Variants in OR2L13 observed in about 807,000 individuals in gnomAD.
OR2L13 encodes olfactory receptor 2L13.
Under a neutral mutation model 15.3 loss-of-function variants are expected in OR2L13, and 14 were observed. That is an observed-to-expected ratio of 0.91 (90% CI 0.60 to 1.43). OR2L13 has a LOEUF of 1.43. OR2L13 is among the 40% of genes most tolerant of loss of function. OR2L13 has a pLI of 0.00. For synonymous variants in OR2L13, 152 were observed against 142.9 expected, an observed-to-expected ratio of 1.06 and a Z score of -0.45; for missense variants, 367 against 387.9, an observed-to-expected ratio of 0.95 and a Z score of 0.45.
chr1:248,099,494 G>T (rs755086355), exon 3 of OR2L13: 2 of 1,613,430 alleles, frequency 1.2e-6, no homozygotes, highest in Admixed American at 3.3e-5. Flanking sequence ...GCCTCGGTGG[G>T]TAACTCGGCC....
the OR2L13 span, among the ~76,000 whole-genome samples, chr1:248,042,485 C>T: frequency 4.6e-5 from 7 of 151,836 alleles, no homozygotes; most frequent in East Asian, 1.2e-3. Flanking sequence ...TGCACATGTA[C>T]CCTAAAACTT....
At chr1:248,021,538 G>T in the OR2L13 span, among the ~76,000 whole-genome samples, 3 of 152,084 alleles carry the variant, frequency 2.0e-5, no homozygotes, top group Non-Finnish European at 2.9e-5. Context: ...GCCCAATGTT[G>T]CATCATAGTG....
At chr1:247,948,352 C>G in the OR2L13 span, among the ~76,000 whole-genome samples, 1 of 152,116 alleles carries the variant, frequency 6.6e-6, no homozygotes, top group Admixed American at 6.5e-5. Flanking sequence ...TAATATTTGA[C>G]TTTGAATGTA....
the OR2L13 span, among the ~76,000 whole-genome samples, chr1:248,004,660 A>G: frequency 6.6e-6 from 1 of 152,202 alleles, no homozygotes; most frequent in Non-Finnish European, 1.5e-5. Flanking sequence ...AATGAATCCC[A>G]GGAAATGATT....
At chr1:247,949,985 G>T in the OR2L13 span, among the ~76,000 whole-genome samples, 3 of 151,486 alleles carry the variant, frequency 2.0e-5, no homozygotes, top group Non-Finnish European at 4.4e-5. Flanking sequence ...TTTCTTGATG[G>T]CCTTTTTCCA....
At chr1:248,075,797 G>A in the OR2L13 span, among the ~76,000 whole-genome samples, 3 of 152,148 alleles carry the variant, frequency 2.0e-5, no homozygotes, top group Non-Finnish European at 4.4e-5. Flanking sequence ...CTCCCATTCT[G>A]TAGGTTACCT....
the OR2L13 span, among the ~76,000 whole-genome samples, chr1:248,075,310 C>G: frequency 6.6e-6 from 1 of 152,024 alleles, no homozygotes; most frequent in Non-Finnish European, 1.5e-5. Flanking sequence ...CCACAATAAA[C>G]ATATGTGTGC....
At chr1:247,949,520 C>T in the OR2L13 span, 6 of 1,614,052 alleles carry the variant, frequency 3.7e-6, no homozygotes, top group South Asian at 6.6e-5. Context: ...GCCAGGTTCT[C>T]TTTGCTGTCT....
At chr1:248,001,078 C>T in the OR2L13 span, among the ~76,000 whole-genome samples, 4 of 151,926 alleles carry the variant, frequency 2.6e-5, no homozygotes, top group Admixed American at 2.6e-4. Context: ...GTAGGTGTGA[C>T]ATTTACTCAT....
chr1:247,994,283 G>C, the OR2L13 span, among the ~76,000 whole-genome samples: 2 of 152,160 alleles, frequency 1.3e-5, no homozygotes, highest in Non-Finnish European at 2.9e-5. Flanking sequence ...TGTAGTCCCG[G>C]CTGCTTGAGA....
At chr1:248,033,698 C>A in the OR2L13 span, among the ~76,000 whole-genome samples, 1,600 of 151,974 alleles carry the variant, frequency 0.011, 14 homozygotes, top group Non-Finnish European at 0.016. Flanking sequence ...CTGCCTTAGC[C>A]TCCCAAAGTG....
At chr1:247,988,607 C>T in the OR2L13 span, among the ~76,000 whole-genome samples, 1 of 151,550 alleles carries the variant, frequency 6.6e-6, no homozygotes, top group Non-Finnish European at 1.5e-5. Context: ...GTGGATCTTA[C>T]TCTTTCACAT....
the OR2L13 span, among the ~76,000 whole-genome samples, chr1:248,058,496 C>T: frequency 6.6e-6 from 1 of 151,710 alleles, no homozygotes; most frequent in Non-Finnish European, 1.5e-5. Flanking sequence ...TTTATTGCTA[C>T]AATACAAAAA....
the OR2L13 span, chr1:248,060,841 C>T: frequency 6.2e-7 from 1 of 1,613,950 alleles, no homozygotes; most frequent in Non-Finnish European, 8.5e-7. Flanking sequence ...GGACACCCAT[C>T]TCCACACACC....
the OR2L13 span, chr1:247,975,021 T>C: frequency 3.1e-6 from 1 of 320,746 alleles, no homozygotes; most frequent in South Asian, 3.6e-5. Flanking sequence ...ATTTCCTTCA[T>C]TGGGTGTGGA....
chr1:248,041,364 T>C, the OR2L13 span: 1 of 152,110 alleles, frequency 6.6e-6, no homozygotes, highest in Admixed American at 6.6e-5. Flanking sequence ...CAATTCAAGA[T>C]GGATTAAAGA....
At chr1:248,099,715 C>T (rs777247823) in exon 3 of OR2L13, 2 of 1,614,114 alleles carry the variant, frequency 1.2e-6, no homozygotes, top group Non-Finnish European at 1.7e-6. Context: ...AGGCTTACTC[C>T]TGACCTCCAT....
chr1:247,990,873 C>T, the OR2L13 span: 2 of 1,514,282 alleles, frequency 1.3e-6, no homozygotes, highest in African/African-American at 1.4e-5. Flanking sequence ...TTTTGAGCAC[C>T]ACCATTTTTC....
chr1:247,995,406 C>G, the OR2L13 span, among the ~76,000 whole-genome samples: 2 of 152,202 alleles, frequency 1.3e-5, no homozygotes, highest in Non-Finnish European at 2.9e-5. Context: ...AGATGTTGCA[C>G]TTGAGTACCT....
Sources: allele counts gnomAD v4.1 joint callset (sites outside exome capture counted in the v4.1 genomes callset), GRCh38; gene constraint gnomAD v4.1.1; transcripts MANE v1.5; gene names NCBI Gene and HGNC (gene_info 2026-07-23, HGNC 2026-07-21).